TENT5D: variants seen among roughly 807,000 people sequenced by gnomAD.
TENT5D encodes the protein cancer/testis antigen 112.
For missense variants in TENT5D, 191 were observed against 287.0 expected (o/e 0.67, Z 2.42); for synonymous variants, 103 against 100.6 (o/e 1.02, Z -0.15).
intron 1 of TENT5D, among the ~76,000 whole-genome samples, chrX:80,424,309 A>G (rs1363894444): frequency 7.1e-5 from 8 of 112,106 alleles, no homozygotes; most frequent in African/African-American, 2.6e-4. Flanking sequence ...AAAGAAGCTT[A>G]AAAATTCCAA....
chrX:80,387,259 G>A (rs1055940020), intron 3 of TENT5D, among the ~76,000 whole-genome samples: 8 of 111,898 alleles, frequency 7.1e-5, no homozygotes, highest in Admixed American at 2.8e-4. Flanking sequence ...TTTGTAGTGC[G>A]GTCAGATTTT....
rs1194207126 is a variant in TENT5D at position 80,409,821 on chromosome X, G to T, written c.-141-28789G>T. On this transcript the variant is annotated intron_variant, in intron 3 of 4. Coordinates refer to the TENT5D transcript ENST00000538312. ...CTAAGCCAAAAGAACAAAGCTGGAG[G>T]CATCACACTACCTGACTTCAAACTA... Among the ~76,000 whole-genome samples, 19 of 102,380 alleles carry T rather than the reference G, an allele frequency of 1.9e-4. No individual in the cohort carries two copies. The East Asian group carries it at 6.0e-3, about 32-fold the overall frequency. The allele number at this position is 102,380 out of a possible 115,157, so 88.9% of individuals were successfully genotyped here.
chrX:80,371,498 T>C (rs766503576), intron 3 of TENT5D, among the ~76,000 whole-genome samples: 1 of 112,146 alleles, frequency 8.9e-6, no homozygotes, highest in Admixed American at 9.5e-5. Flanking sequence ...AGATTAGATC[T>C]TCTTCCAATA....
At chrX:80,337,249 G>A (rs1320256657) in intron 2 of TENT5D, among the ~76,000 whole-genome samples, 1 of 111,482 alleles carries the variant, frequency 9.0e-6, no homozygotes, top group African/African-American at 3.3e-5. Flanking sequence ...TTTATAAAAT[G>A]TGTGTGCAAA....
At chrX:80,336,555 C>G (rs1025495253) in intron 2 of TENT5D, among the ~76,000 whole-genome samples, 1 of 108,209 alleles carries the variant, frequency 9.2e-6, no homozygotes, top group Non-Finnish European at 1.9e-5. Context: ...ACTAGATAAA[C>G]AGTTGTATTT....
chrX:80,429,993 C>CT (rs777917109), intron 1 of TENT5D, among the ~76,000 whole-genome samples: 94 of 102,383 alleles, frequency 9.2e-4, no homozygotes, highest in South Asian at 3.9e-3. Flanking sequence ...GGGGATCCTG[C>CT]TTTTTTTTTT....
intron 3 of TENT5D, among the ~76,000 whole-genome samples, chrX:80,377,281 A>C (rs758536221): frequency 4.5e-5 from 5 of 111,732 alleles, no homozygotes; most frequent in African/African-American, 1.6e-4. Context: ...ACATGTGCAC[A>C]ACATGCAGGT....
intron 3 of TENT5D, among the ~76,000 whole-genome samples, chrX:80,412,153 C>A (rs1357354756): frequency 1.8e-5 from 2 of 112,930 alleles, no homozygotes; most frequent in African/African-American, 6.4e-5. Context: ...GGGCTCCCAC[C>A]CTCTGGAGTC....
intron 3 of TENT5D, among the ~76,000 whole-genome samples, chrX:80,352,644 C>G (rs1267187765): frequency 4.8e-5 from 5 of 104,914 alleles, no homozygotes; most frequent in Non-Finnish European, 7.7e-5. Flanking sequence ...TCCCTGGCTT[C>G]AGCCCCCTTT....
chrX:80,414,778 A>T (rs1305677295), intron 3 of TENT5D, among the ~76,000 whole-genome samples: 1 of 112,014 alleles, frequency 8.9e-6, no homozygotes, highest in Non-Finnish European at 1.9e-5. Context: ...ATTTGTCTCA[A>T]GTGAGCCTCA....
rs773312294 is a variant in TENT5D at position 80,373,841 on chromosome X, T to C, written c.-142+31277T>C. ...TTAGATTAATCTTCACAAAAGCATT[T>C]TTTAAACTTTTAAGTTCAGGGGTAC... On this transcript the variant is annotated intron_variant, in intron 3 of 4. Transcript: ENST00000538312. Among the ~76,000 whole-genome samples, 11 of 111,701 alleles carry C rather than the reference T, an allele frequency of 9.8e-5. No homozygotes were observed. The East Asian group carries it at 2.0e-3, about 20-fold the overall frequency.
intron 3 of TENT5D, among the ~76,000 whole-genome samples, chrX:80,344,179 TTTCTTTA>T (rs1930017763): frequency 9.0e-6 from 1 of 110,676 alleles, no homozygotes; most frequent in Admixed American, 9.8e-5. Context: ...TGTACCACAT[TTTCTTTA>T]TCTAGTCCGC....
At chrX:80,356,974 G>A (rs867956273) in intron 3 of TENT5D, among the ~76,000 whole-genome samples, 1 of 110,626 alleles carries the variant, frequency 9.0e-6, no homozygotes, top group Non-Finnish European at 1.9e-5. Context: ...ATGTGTTCTC[G>A]TTGTTCAATT....
At chrX:80,387,185 C>T (rs1193546424) in intron 3 of TENT5D, among the ~76,000 whole-genome samples, 1 of 111,941 alleles carries the variant, frequency 8.9e-6, no homozygotes, top group Non-Finnish European at 1.9e-5. Flanking sequence ...AAGATTGCAG[C>T]CAAGGGTCTT....
At chrX:80,390,984 G>T (rs539117488) in intron 3 of TENT5D, among the ~76,000 whole-genome samples, 4 of 112,006 alleles carry the variant, frequency 3.6e-5, no homozygotes, top group South Asian at 7.4e-4. Context: ...TGAAACAGAA[G>T]AACTGAATTC....
At chrX:80,440,959 A>C (rs2147572029) in intron 2 of TENT5D, among the ~76,000 whole-genome samples, 1 of 111,360 alleles carries the variant, frequency 9.0e-6, no homozygotes, top group Non-Finnish European at 1.9e-5. Flanking sequence ...TAAGATTACC[A>C]GTTCTCATTG....
chrX:80,413,547 G>C (rs1931713176), intron 3 of TENT5D, among the ~76,000 whole-genome samples: 1 of 111,516 alleles, frequency 9.0e-6, no homozygotes, highest in Admixed American at 9.5e-5. Flanking sequence ...CATGGGGGCT[G>C]GTCTTTCCCA....
chrX:80,358,037 C>T (rs1930324891), intron 3 of TENT5D, among the ~76,000 whole-genome samples: 2 of 111,554 alleles, frequency 1.8e-5, no homozygotes, highest in Non-Finnish European at 3.8e-5. Context: ...TGATCTTTGA[C>T]AAACCTGACA....
chrX:80,443,636 T>G, exon 3 of TENT5D: 1 of 1,209,278 alleles, frequency 8.3e-7, no homozygotes, highest in Non-Finnish European at 1.1e-6. Flanking sequence ...ATTTATGTAA[T>G]ACCTGAGCCA....
Sources: allele counts gnomAD v4.1 joint callset (sites outside exome capture counted in the v4.1 genomes callset), GRCh38; gene constraint gnomAD v4.1.1; transcripts MANE v1.5; gene names NCBI Gene and HGNC (gene_info 2026-07-23, HGNC 2026-07-21).